Variants in BCAS3 observed in about 807,000 individuals in gnomAD.
BCAS3 encodes BCAS3 microtubule associated cell migration factor.
BCAS3 carries 53 observed loss-of-function variants against 116.1 expected under a neutral mutation model. The ratio of observed to expected loss-of-function variants is 0.46; its 90% CI spans 0.37 to 0.57. BCAS3 has a LOEUF of 0.57. BCAS3 is among the 20% of genes least tolerant of loss of function. The probability of loss-of-function intolerance (pLI) is 0.00; values close to 1 mark genes in which losing one functional copy is unlikely to be tolerated. For missense variants in BCAS3, 917 were observed against 1,165.4 expected (o/e 0.79, Z 3.10); for synonymous variants, 391 against 408.2 (o/e 0.96, Z 0.51).
At chr17:60,829,783 A>AATT (rs575107551) in intron 7 of BCAS3, among the ~76,000 whole-genome samples, 6 of 152,214 alleles carry the variant, frequency 3.9e-5, no homozygotes, top group African/African-American at 1.4e-4. Flanking sequence ...ATTTATTGCC[A>AATT]ATATATGAAA....
Position 61,124,593 on chromosome 17 carries a change from T to C in BCAS3, c.2425+40029T>C, listed in dbSNP as rs915213866. ...GGAAAAATGTGGAAGCATTTCTTGA[T>C]ATTTTTTCACTATTTTTCCCTAGTG... On this transcript the variant is annotated intron_variant, in intron 22 of 23. Transcript: ENST00000407086. This position sits in a 1 kb window ranked among gnomAD's most constrained non-coding sequence, Gnocchi z 4.6. 6.6e-6 allele frequency among the ~76,000 whole-genome samples: 1 copy of C among 152,238 alleles called. No homozygotes were observed. Among genetic ancestry groups the C allele is most frequent in the African/African-American group, 2.4e-5 (1 of 41,466 alleles).
At chr17:60,837,779 A>G (rs919661655) in intron 7 of BCAS3, among the ~76,000 whole-genome samples, 1 of 150,872 alleles carries the variant, frequency 6.6e-6, no homozygotes, top group African/African-American at 2.4e-5. Context: ...TTGGCCTCCC[A>G]AGTAGCTGGG....
In BCAS3 at chr17:61,258,035, T is replaced by G. The variant is rs370868582; in HGVS notation, c.2426-110292T>G. ...CCCACCTTATTATTTTTGTGCACAC[T>G]GTTCCTTCCTCTGAAGAGCCCTGCT... On this transcript the variant is annotated intron_variant, in intron 22 of 23. Coordinates refer to ENST00000407086, the MANE Select transcript of BCAS3 (RefSeq NM_017679.5). The surrounding 1 kb of genome is among the most constrained non-coding windows in gnomAD (Gnocchi z 4.7). Among the ~76,000 whole-genome samples, 1 of 152,230 alleles carries G rather than the reference T, an allele frequency of 6.6e-6. No individual in the cohort carries two copies. The highest frequency in any genetic ancestry group is 2.4e-5 in the African/African-American group (1 of 41,460).
In BCAS3 at chr17:60,990,024, C is replaced by A. The variant is rs1430796697; in HGVS notation, c.1275C>A (p.Leu425=). The part of the protein sequence containing the change: ...HDCRWVVVST[L]RGTSHVFPIN... ...GTCGCTGGGTTGTGGTCAGTACTCT[C>A]CGGGGTACTTCCCACGTTTTCCCCA... is the stretch of plus-strand genomic sequence containing the variant. The change falls in exon 15 of 24, where the codon CTC becomes CTA. Residue 425 remains leucine, a synonymous_variant. Coordinates refer to ENST00000407086, the MANE Select transcript of BCAS3 (RefSeq NM_017679.5). This position sits in a 1 kb window ranked among gnomAD's most constrained non-coding sequence, Gnocchi z 5.1. 1 of 1,614,164 alleles carries A rather than the reference C, an allele frequency of 6.2e-7. No individual in the cohort carries two copies. Among genetic ancestry groups the A allele is most frequent in the Non-Finnish European group, 8.5e-7 (1 of 1,180,016 alleles).
At chr17:60,816,277 T>TC (rs2049385627) in intron 7 of BCAS3, among the ~76,000 whole-genome samples, 1 of 131,724 alleles carries the variant, frequency 7.6e-6, no homozygotes, top group African/African-American at 3.9e-5. Context: ...TCTTTTTCTT[T>TC]TCTTTTTTTT....
intron 23 of BCAS3, chr17:61,389,068 A>AC (rs966758004): frequency 1.5e-4 from 36 of 236,646 alleles, no homozygotes; most frequent in African/African-American, 2.3e-4. Flanking sequence ...AAGGCACAGA[A>AC]CCCCCCCGAG....
intron 14 of BCAS3, among the ~76,000 whole-genome samples, chr17:60,981,044 C>A (rs1270845669): frequency 6.6e-6 from 1 of 151,978 alleles, no homozygotes; most frequent in African/African-American, 2.4e-5. Flanking sequence ...CTATGTTGCA[C>A]AGGCTGGCCT....
At position 61,208,943 on chromosome 17, in the gene BCAS3, C is replaced by T. The variant is rs2081300922; in HGVS notation, c.2425+124379C>T. On this transcript the variant is annotated intron_variant, in intron 22 of 23. Coordinates refer to ENST00000407086, the MANE Select transcript of BCAS3 (RefSeq NM_017679.5). The surrounding 1 kb of genome is among the most constrained non-coding windows in gnomAD (Gnocchi z 4.5). The stretch of plus-strand genomic sequence containing the variant: ...TCAGATCCTTTGGGTATTTAATGTA[C>T]AGTTTCAGCAAAAGACACTCAGAAT... Among the ~76,000 whole-genome samples, 1 of 151,290 alleles carries T rather than the reference C, an allele frequency of 6.6e-6. No individual in the cohort carries two copies.
chr17:60,881,951 T>C (rs1293338857), intron 9 of BCAS3, among the ~76,000 whole-genome samples: 1 of 150,092 alleles, frequency 6.7e-6, no homozygotes, highest in Non-Finnish European at 1.5e-5. Flanking sequence ...TTTGGGTATA[T>C]ACCCAGTAAT....
intron 23 of BCAS3, among the ~76,000 whole-genome samples, chr17:61,371,267 A>G (rs563754795): frequency 2.0e-5 from 3 of 152,246 alleles, no homozygotes; most frequent in Admixed American, 1.3e-4. Context: ...AACTCCTATT[A>G]TGGCCAATTT....
chr17:61,036,929 C>T (rs534731573), intron 17 of BCAS3, among the ~76,000 whole-genome samples: 2 of 152,230 alleles, frequency 1.3e-5, no homozygotes, highest in Admixed American at 1.3e-4. Flanking sequence ...TCTAAAGGAG[C>T]TTTAGGTTCA....
At chr17:61,312,037 T>C (rs2054353822) in intron 22 of BCAS3, among the ~76,000 whole-genome samples, 1 of 152,248 alleles carries the variant, frequency 6.6e-6, no homozygotes, top group Non-Finnish European at 1.5e-5. Context: ...TTGTGGCTTC[T>C]GGGTGTCCTA....
intron 22 of BCAS3, among the ~76,000 whole-genome samples, chr17:61,289,100 A>G (rs1458567545): frequency 6.6e-6 from 1 of 152,198 alleles, no homozygotes; most frequent in South Asian, 2.1e-4. Flanking sequence ...AACTTGTTTC[A>G]GACTCTTCAT....
At chr17:61,345,505 G>A (rs1378768934) in intron 22 of BCAS3, among the ~76,000 whole-genome samples, 1 of 152,110 alleles carries the variant, frequency 6.6e-6, no homozygotes, top group East Asian at 1.9e-4. Context: ...GAAAAATGAA[G>A]GAGGGAGGGA....
intron 13 of BCAS3, among the ~76,000 whole-genome samples, chr17:60,942,962 C>G (rs931711512): frequency 1.3e-5 from 2 of 151,938 alleles, no homozygotes. Flanking sequence ...ATCTCTGGAA[C>G]AACCAGTAAA....
intron 9 of BCAS3, 72 bp from the exon 10 acceptor site, chr17:60,889,620 CTGG>C: frequency 1.7e-6 from 2 of 1,170,994 alleles, no homozygotes; most frequent in Admixed American, 4.0e-5. Context: ...TTCTGTTTTT[CTGG>C]CATCGATATA....
At chr17:60,887,833 G>T (rs941312437) in intron 9 of BCAS3, among the ~76,000 whole-genome samples, 1 of 152,118 alleles carries the variant, frequency 6.6e-6, no homozygotes, top group Non-Finnish European at 1.5e-5. Context: ...ATCTAAAATT[G>T]CATCATGCTT....
chr17:61,123,503 G>GT (rs754095367), intron 22 of BCAS3, among the ~76,000 whole-genome samples: 2 of 152,046 alleles, frequency 1.3e-5, no homozygotes, highest in East Asian at 1.9e-4. Flanking sequence ...GACCCTATCT[G>GT]TTTTTTATCA....
At chr17:60,954,981 T>G (rs1185054635) in intron 14 of BCAS3, among the ~76,000 whole-genome samples, 1 of 152,212 alleles carries the variant, frequency 6.6e-6, no homozygotes, top group Non-Finnish European at 1.5e-5. Context: ...CTTCTCTTCC[T>G]TATCTAGGTG....
Sources: gnomAD v4.1 joint callset for allele counts (sites outside exome capture counted in the v4.1 genomes callset) on GRCh38, gnomAD v4.1.1 for gene constraint, Gnocchi (gnomAD v3.1) non-coding constraint, MANE v1.5 for transcripts, NCBI Gene and HGNC (gene_info 2026-07-23, HGNC 2026-07-21) for gene names.